S100A14: variants seen among roughly 807,000 people sequenced by gnomAD.
The protein encoded by S100A14 is S100 calcium binding protein A14.
In S100A14, 6 loss-of-function variants were observed where a neutral mutation model predicts 10.6. That is an observed-to-expected ratio of 0.57 (90% CI 0.31 to 1.12). The LOEUF is 1.12. Ranked by LOEUF, S100A14 falls within the 50% of genes most tolerant of loss-of-function variation. The pLI, the probability that S100A14 is intolerant of heterozygous loss-of-function variation, is 0.06. For synonymous variants in S100A14, 51 were observed against 51.0 expected, an observed-to-expected ratio of 1.00 and a Z score of 0.00; for missense variants, 121 against 128.7, an observed-to-expected ratio of 0.94 and a Z score of 0.29.
In S100A14 at chr1:153,615,812, G is replaced by A. The variant is rs913336602; in HGVS notation, c.30+17C>T. 1.2e-6 allele frequency: 2 copies of A among 1,613,820 alleles called. No homozygotes were observed. The highest frequency in any genetic ancestry group is 8.5e-7 in the Non-Finnish European group (1 of 1,179,718). On this transcript the variant is annotated intron_variant, in intron 2 of 3. Transcript: ENST00000344616. Reference sequence around the variant, plus strand: ...GAGGAGTGTGGGAGCAGAAAGGCCAGGAGTGAATGAGCCCACCTCTGCGTT... The same window carrying A: ...GAGGAGTGTGGGAGCAGAAAGGCCAAGAGTGAATGAGCCCACCTCTGCGTT...
rs375977084 is a variant in S100A14 at position 153,615,113 on chromosome 1, G to A, written c.178-91C>T. ...CCCACGGGCAGACAGCAGGAGCAGAGGCTACCTAGCACTGGCAAGGGGGAA... is the reference window on the plus strand; with the variant it reads ...CCCACGGGCAGACAGCAGGAGCAGAAGCTACCTAGCACTGGCAAGGGGGAA... On this transcript the variant is annotated intron_variant, in intron 3 of 3. Coordinates refer to ENST00000344616, the MANE Select transcript of S100A14 (RefSeq NM_020672.3). 35 of 1,585,582 alleles carry A rather than the reference G, an allele frequency of 2.2e-5. No individual in the cohort carries two copies. The African/African-American group carries it at 4.2e-4, about 19-fold the overall frequency.
chr1:153,615,204 C>G (rs769974366), intron 3 of S100A14, 31 bp downstream of exon 3: 1 of 1,611,098 alleles, frequency 6.2e-7, no homozygotes, highest in Non-Finnish European at 8.5e-7. Context: ...AGTCAGGGTA[C>G]TGGCTGAGGT....
At chr1:153,615,763 G>C in intron 2 of S100A14, 66 bp downstream of exon 2, 2 of 1,547,766 alleles carry the variant, frequency 1.3e-6, no homozygotes, top group Non-Finnish European at 1.8e-6. Context: ...TCAGTGGGGG[G>C]ACATAGACCC....
rs1458059902 is a variant in S100A14 at position 153,614,874 on chromosome 1, A to C, written c.*11T>G. 6.2e-7 allele frequency: 1 copy of C among 1,612,036 alleles called. No individual in the cohort carries two copies. The highest frequency in any genetic ancestry group is 1.3e-5 in the African/African-American group (1 of 74,922). On this transcript the variant is annotated 3_prime_UTR_variant, in exon 4 of 4. Transcript: ENST00000344616. ...CTCCCCAACACCCCCCAAGAATTCCAGAGGGAGTTCTCAGTGCCCCCGGAC... is the reference window on the plus strand; with the variant it reads ...CTCCCCAACACCCCCCAAGAATTCCCGAGGGAGTTCTCAGTGCCCCCGGAC...
chr1:153,615,776 A>AG (rs1666949610), intron 2 of S100A14, 53 bp downstream of exon 2: 1 of 1,595,368 alleles, frequency 6.3e-7, no homozygotes, highest in Non-Finnish European at 8.6e-7. Flanking sequence ...ATAGACCCTC[A>AG]GGGTGAAGGA....
In S100A14 at chr1:153,615,057, C is replaced by T. The variant is rs148511407; in HGVS notation, c.178-35G>A. On this transcript the variant is annotated intron_variant, in intron 3 of 3. Coordinates refer to ENST00000344616, the MANE Select transcript of S100A14 (RefSeq NM_020672.3). ...GTGAAGAAACCATGGCTCAGGGATG[C>T]AGCACCTTCCAATCTTCCCACCCCA... The T allele has an allele frequency of 6.2e-6, 10 of 1,607,942 alleles. No homozygotes were observed. In the East Asian group the frequency reaches 2.2e-4, roughly 36 times the overall value.
chr1:153,616,069 C>T, intron 1 of S100A14, 133 bp from the exon 2 acceptor site: 2 of 514,360 alleles, frequency 3.9e-6, no homozygotes, highest in East Asian at 2.9e-5. Context: ...TAGGCCCAGG[C>T]CCCGCCTGGG....
In S100A14 at chr1:153,615,736, A is replaced by T. The variant is rs941133912; in HGVS notation, c.30+93T>A. 10 of 1,384,764 alleles carry T rather than the reference A, an allele frequency of 7.2e-6. No homozygotes were observed. In the African/African-American group the frequency reaches 1.4e-4, roughly 19 times the overall value. 85.8% of individuals were successfully genotyped at this position (1,384,764 alleles called of 1,614,324 possible). On this transcript the variant is annotated intron_variant, in intron 2 of 3. Transcript: ENST00000344616. ...AGGGTCTGGGGTGCAGGGCAAGGCC[A>T]AGGTGAAGGGCAGAAGTCAGTGGGG...
Position 153,615,855 on chromosome 1 carries a change from C to T in S100A14, c.4G>A (p.Gly2Arg), listed in dbSNP as rs1432906625. Residue 2 changes from glycine to arginine, a missense_variant, in exon 2 of 4, where the codon GGA (glycine) becomes AGA (arginine). Physicochemically the swap from Gly to Arg is moderately radical, Grantham distance 125. Coordinates refer to ENST00000344616, the MANE Select transcript of S100A14 (RefSeq NM_020672.3). ...TCTGCGTTGGCTGACCGACACTGTC[C>T]CATGGTGCCCACTGTGTCTGGTCCT... is the stretch of plus-strand genomic sequence containing the variant. M[G>R]QCRSANAEDA... 6.2e-7 allele frequency: 1 copy of T among 1,613,878 alleles called. No individual in the cohort carries two copies. The highest frequency in any genetic ancestry group is 2.2e-5 in the East Asian group (1 of 44,856).
Position 153,615,296 on chromosome 1 carries a change from T to A in S100A14, c.116A>T (p.Glu39Val). The A allele has an allele frequency of 6.2e-7, 1 of 1,613,956 alleles. No individual in the cohort carries two copies. The highest frequency in any genetic ancestry group is 1.3e-5 in the African/African-American group (1 of 75,014). Residue 39 changes from glutamate (E) to valine (V), a missense_variant, in exon 3 of 4, where the codon GAG (glutamate) becomes GTG (valine). Glu to Val is a moderately radical substitution (Grantham distance 121). Coordinates refer to ENST00000344616, the MANE Select transcript of S100A14 (RefSeq NM_020672.3). ...CCGTAGCTCAGAAGGGGTCAGCGTC[T>A]CCTTCCCACCCTCCACGGAGTACTG... Reference protein sequence around the residue: ...FHQYSVEGGKETLTPSELRDL... With the variant: ...FHQYSVEGGKVTLTPSELRDL...
intron 3 of S100A14, 59 bp from the exon 4 acceptor site, chr1:153,615,081 C>T (rs762274275): frequency 3.8e-6 from 6 of 1,596,732 alleles, no homozygotes; most frequent in South Asian, 2.3e-5. Context: ...CTTCCCACCC[C>T]ACCCTGCCCA....
chr1:153,614,419 C>G lies in S100A14; in HGVS notation c.*466G>C, dbSNP rs1457369573. Reference sequence around the variant, plus strand: ...CCCTGCCCTAGCCCAGGGACAGAGTCTAGGAGGAGCCTGGGGCAGAGCTGG... The same window carrying G: ...CCCTGCCCTAGCCCAGGGACAGAGTGTAGGAGGAGCCTGGGGCAGAGCTGG... On this transcript the variant is annotated 3_prime_UTR_variant, in exon 4 of 4. Coordinates refer to ENST00000344616, the MANE Select transcript of S100A14 (RefSeq NM_020672.3). 1 of 159,124 alleles carries G rather than the reference C, an allele frequency of 6.3e-6. No individual in the cohort carries two copies. The highest frequency in any genetic ancestry group is 1.4e-5 in the Non-Finnish European group (1 of 72,050). The allele number at this position is 159,124 out of a possible 1,614,324, so 9.9% of individuals were successfully genotyped here.
chr1:153,615,938 T>G lies in S100A14; in HGVS notation c.-78-2A>C. ...CCAGAGGAGCTGATGGCTCATGATCTGCTTAGAGGAGGGGGTAGGCCTGAG... is the reference window on the plus strand; with the variant it reads ...CCAGAGGAGCTGATGGCTCATGATCGGCTTAGAGGAGGGGGTAGGCCTGAG... On this transcript the variant is annotated splice_acceptor_variant, in intron 1 of 3. Transcript: ENST00000344616. LOFTEE classifies it low-confidence loss of function (5UTR_SPLICE). The G allele has an allele frequency of 7.0e-7, 1 of 1,424,832 alleles. No homozygotes were observed. The highest frequency in any genetic ancestry group is 9.9e-7 in the Non-Finnish European group (1 of 1,008,648). The allele number at this position is 1,424,832 out of a possible 1,614,324, so 88.3% of individuals were successfully genotyped here.
intron 2 of S100A14, 34 bp from the exon 3 acceptor site, chr1:153,615,415 G>A (rs1488351492): frequency 1.9e-6 from 3 of 1,605,648 alleles, no homozygotes; most frequent in Non-Finnish European, 2.6e-6. Flanking sequence ...CATCAGTGAA[G>A]CTCCATGCAC....
chr1:153,615,405 C>T (rs752165966), intron 2 of S100A14, 24 bp from the exon 3 acceptor site: 4 of 1,609,888 alleles, frequency 2.5e-6, no homozygotes, highest in Admixed American at 3.3e-5. Flanking sequence ...ACATCACAAA[C>T]ATCAGTGAAG....
rs151066419 is a variant in S100A14, at chr1:153,615,389, C to A, written c.31-8G>T. Reference sequence around the variant, plus strand: ...ACTGAATTCCTGAGCATCCTGAGGGCAGGGGACATCACAAACATCAGTGAA... The same window carrying A: ...ACTGAATTCCTGAGCATCCTGAGGGAAGGGGACATCACAAACATCAGTGAA... On this transcript the variant is annotated splice_polypyrimidine_tract_variant and splice_region_variant and intron_variant, in intron 2 of 3. Transcript: ENST00000344616. 7,485 of 1,612,238 alleles carry A rather than the reference C, an allele frequency of 4.6e-3. 103 individuals are homozygous for A. The highest frequency in any genetic ancestry group is 0.033 in the South Asian group (3,015 of 90,952).
intron 3 of S100A14, 64 bp from the exon 4 acceptor site, chr1:153,615,086 T>C: frequency 6.3e-7 from 1 of 1,595,008 alleles, no homozygotes; most frequent in Non-Finnish European, 8.5e-7. Flanking sequence ...CACCCCACCC[T>C]GCCCACGGGC....
chr1:153,615,340 G>A lies in S100A14; in HGVS notation c.72C>T (p.Thr24=). 2 of 1,613,858 alleles carry A rather than the reference G, an allele frequency of 1.2e-6. No homozygotes were observed. The highest frequency in any genetic ancestry group is 1.7e-6 in the Non-Finnish European group (2 of 1,179,974). ...AGTACTGGTGAAAGTTCTTGATGAGGGTCTCAATGGCCCTCTCCACATCAC... is the reference window on the plus strand; with the variant it reads ...AGTACTGGTGAAAGTTCTTGATGAGAGTCTCAATGGCCCTCTCCACATCAC... ...EFSDVERAIE[T]LIKNFHQYSV... is the part of the protein sequence containing the mutation. Residue 24 remains threonine, a synonymous_variant, in exon 3 of 4, where the codon ACC becomes ACT. Transcript: ENST00000344616.
Position 153,614,918 on chromosome 1 carries a change from A to G in S100A14, c.282T>C (p.Ser94=). 1 of 1,613,478 alleles carries G rather than the reference A, an allele frequency of 6.2e-7. No individual in the cohort carries two copies. The highest frequency in any genetic ancestry group is 8.5e-7 in the Non-Finnish European group (1 of 1,179,846). Residue 94 remains serine (S), a synonymous_variant, in exon 4 of 4, where the codon AGT becomes AGC. Transcript: ENST00000344616. ...CCCGGACAGGCCTCTCCAGCTTCAC[A>G]CTCTTGGCCGCTTCTCCAATCAGCT... ...FWELIGEAAK[S]VKLERPVRGH
Sources: allele counts gnomAD v4.1 joint callset, GRCh38; gene constraint gnomAD v4.1.1; transcripts MANE v1.5; gene names NCBI Gene and HGNC (gene_info 2026-07-23, HGNC 2026-07-21).